The following RFTN2 variants were observed in gnomAD, a reference collection of about 807,000 sequenced individuals.
RFTN2 encodes the protein raftlin-2.
In RFTN2, 34 loss-of-function variants were observed where a neutral mutation model predicts 52.7. That is an observed-to-expected ratio of 0.64 (90% CI 0.49 to 0.86). The LOEUF (loss-of-function observed/expected upper bound fraction) is 0.86. Among genes scored for constraint, RFTN2 ranks in the 40% least tolerant of loss-of-function variants. RFTN2 has a pLI of 0.00. For missense variants in RFTN2, 536 were observed against 600.1 expected, an observed-to-expected ratio of 0.89 and a Z score of 1.12; for synonymous variants, 203 against 217.7, an observed-to-expected ratio of 0.93 and a Z score of 0.59.
chr2:197,609,624 C>G (rs1427491551), intron 7 of RFTN2, among the ~76,000 whole-genome samples: 3 of 152,172 alleles, frequency 2.0e-5, no homozygotes, highest in African/African-American at 4.8e-5. Flanking sequence ...TGTGCAGAAG[C>G]ACTTTAGTTT....
intron 8 of RFTN2, among the ~76,000 whole-genome samples, chr2:197,590,361 G>T (rs1255633506): frequency 6.6e-6 from 1 of 152,134 alleles, no homozygotes; most frequent in Non-Finnish European, 1.5e-5. Flanking sequence ...CATTTTTCAT[G>T]TTTAAAAACA....
intron 3 of RFTN2, among the ~76,000 whole-genome samples, chr2:197,637,704 A>G (rs1161476346): frequency 1.3e-5 from 2 of 150,368 alleles, no homozygotes; most frequent in Non-Finnish European, 3.0e-5. Flanking sequence ...TGGATTCATT[A>G]ATTTTTTGAA....
At chr2:197,601,597 A>G (rs2087882252) in intron 7 of RFTN2, among the ~76,000 whole-genome samples, 1 of 152,066 alleles carries the variant, frequency 6.6e-6, no homozygotes. Context: ...ATTTGCTTGT[A>G]GAGCTCACTG....
chr2:197,588,686 C>A (rs953948158), intron 8 of RFTN2, among the ~76,000 whole-genome samples: 3 of 152,202 alleles, frequency 2.0e-5, no homozygotes, highest in African/African-American at 7.2e-5. Flanking sequence ...CTAGGTTAAA[C>A]ACCCAAGACA....
intron 1 of RFTN2, among the ~76,000 whole-genome samples, chr2:197,668,766 G>A (rs1472533002): frequency 6.6e-6 from 1 of 152,090 alleles, no homozygotes. Flanking sequence ...CCTAAGTCTC[G>A]GGAAGTGTTT....
intron 8 of RFTN2, among the ~76,000 whole-genome samples, chr2:197,594,578 C>T (rs1209107282): frequency 6.6e-6 from 1 of 152,210 alleles, no homozygotes; most frequent in Non-Finnish European, 1.5e-5. Flanking sequence ...GCAGTTCTCC[C>T]ACTTCAGCCT....
chr2:197,591,961 G>A (rs912791870), intron 8 of RFTN2, among the ~76,000 whole-genome samples: 3 of 150,110 alleles, frequency 2.0e-5, no homozygotes, highest in Non-Finnish European at 3.0e-5. Flanking sequence ...CCTGCAAGCC[G>A]AGGGAGCCGG....
chr2:197,657,331 T>C (rs889005341), intron 1 of RFTN2, among the ~76,000 whole-genome samples: 1 of 152,244 alleles, frequency 6.6e-6, no homozygotes, highest in Non-Finnish European at 1.5e-5. Flanking sequence ...ACTTCTGCCC[T>C]GGGTCACCCC....
chr2:197,590,932 G>C (rs192608323), intron 8 of RFTN2, among the ~76,000 whole-genome samples: 6 of 152,346 alleles, frequency 3.9e-5, no homozygotes, highest in Non-Finnish European at 7.3e-5. Context: ...AACTCCCCAA[G>C]TGGGGAAGAC....
rs1008402836 is a variant in RFTN2, at chr2:197,569,767, A to AC, written c.*2240dup. On this transcript the variant is annotated 3_prime_UTR_variant, in exon 9 of 9. Coordinates refer to ENST00000295049, the MANE Select transcript of RFTN2 (RefSeq NM_144629.3). ...AGACCAGCCTGGCCAACATGGTGAA[A>AC]CCCCATCTCTACTAAAATTACAAAA... 18 of 152,066 alleles carry AC rather than the reference A, an allele frequency of 1.2e-4. No homozygotes were observed. Among genetic ancestry groups the AC allele is most frequent in the African/African-American group, 4.1e-4 (17 of 41,452 alleles). The allele number at this position is 152,066 out of a possible 1,614,324, so 9.4% of individuals were successfully genotyped here.
At chr2:197,672,100 A>G (rs768889895) in intron 1 of RFTN2, among the ~76,000 whole-genome samples, 2 of 152,212 alleles carry the variant, frequency 1.3e-5, no homozygotes, top group Non-Finnish European at 2.9e-5. Context: ...CTTTATCATA[A>G]TACAGTGAAA....
chr2:197,609,930 T>A (rs2088028229), intron 7 of RFTN2, among the ~76,000 whole-genome samples: 1 of 152,204 alleles, frequency 6.6e-6, no homozygotes, highest in Non-Finnish European at 1.5e-5. Context: ...TGGTTGTAGA[T>A]GTGTGGTGTT....
intron 7 of RFTN2, among the ~76,000 whole-genome samples, chr2:197,614,822 G>A (rs945713608): frequency 2.0e-5 from 3 of 152,188 alleles, no homozygotes; most frequent in African/African-American, 4.8e-5. Context: ...TTACTATTCT[G>A]TTATTTGACA....
At chr2:197,603,307 G>A (rs2087908503) in intron 7 of RFTN2, among the ~76,000 whole-genome samples, 1 of 152,098 alleles carries the variant, frequency 6.6e-6, no homozygotes, top group Non-Finnish European at 1.5e-5. Context: ...ACTAAAAAGG[G>A]TAAAGATAGG....
At chr2:197,639,384 ACGTAGATTTGGT>A (rs1322914998) in intron 3 of RFTN2, among the ~76,000 whole-genome samples, 2 of 151,978 alleles carry the variant, frequency 1.3e-5, no homozygotes, top group Non-Finnish European at 2.9e-5. Context: ...CACCAGCCAG[ACGTAGATTTGGT>A]CTTTTCACAT....
At chr2:197,613,537 A>G (rs990669846) in intron 7 of RFTN2, among the ~76,000 whole-genome samples, 4 of 152,226 alleles carry the variant, frequency 2.6e-5, no homozygotes, top group African/African-American at 9.6e-5. Context: ...ACCAAGGTCA[A>G]CTGTATATAA....
chr2:197,585,895 C>T (rs1362436112), intron 8 of RFTN2, among the ~76,000 whole-genome samples: 3 of 152,182 alleles, frequency 2.0e-5, no homozygotes, highest in East Asian at 3.9e-4. Flanking sequence ...CAACTCTACT[C>T]CCCACATATT....
intron 8 of RFTN2, chr2:197,588,066 C>A (rs1184676425): frequency 4.4e-6 from 2 of 458,256 alleles, no homozygotes; most frequent in Non-Finnish European, 8.9e-6. Context: ...TTGTGTGTTT[C>A]CTAAATAAAA....
intron 1 of RFTN2, among the ~76,000 whole-genome samples, chr2:197,647,394 G>A (rs1390205915): frequency 6.6e-6 from 1 of 151,958 alleles, no homozygotes; most frequent in Admixed American, 6.6e-5. Flanking sequence ...ATTTTTTGTA[G>A]AGGCGAGGTT....
Sources: gnomAD v4.1 joint callset for allele counts (sites outside exome capture counted in the v4.1 genomes callset) on GRCh38, gnomAD v4.1.1 for gene constraint, MANE v1.5 for transcripts, NCBI Gene and HGNC (gene_info 2026-07-23, HGNC 2026-07-21) for gene names.